The following BCAR3 variants were observed in gnomAD, a reference collection of about 807,000 sequenced individuals.
The protein encoded by BCAR3 is breast cancer anti-estrogen resistance protein 3.
BCAR3 carries 37 observed loss-of-function variants against 80.1 expected under a neutral mutation model. The ratio of observed to expected loss-of-function variants is 0.46; its 90% CI spans 0.36 to 0.61. The LOEUF (loss-of-function observed/expected upper bound fraction) is 0.61, where lower values mean the gene tolerates loss of function less well. Ranked by LOEUF, BCAR3 falls within the 20% of genes least tolerant of loss-of-function variation. The pLI, the probability that BCAR3 is intolerant of heterozygous loss-of-function variation, is 0.00. For synonymous variants in BCAR3, 389 were observed against 418.9 expected, an observed-to-expected ratio of 0.93 and a Z score of 0.87; for missense variants, 978 against 1,068.2, an observed-to-expected ratio of 0.92 and a Z score of 1.18.
chr1:93,828,345 T>C (rs180978899), intron 2 of BCAR3, among the ~76,000 whole-genome samples: 73 of 152,262 alleles, frequency 4.8e-4, no homozygotes, highest in African/African-American at 1.7e-3. Flanking sequence ...AGGCAAGTCA[T>C]AGAAACTAGA....
At chr1:93,626,180 A>G (rs1675451832) in intron 3 of BCAR3, among the ~76,000 whole-genome samples, 1 of 152,196 alleles carries the variant, frequency 6.6e-6, no homozygotes, top group Non-Finnish European at 1.5e-5. Context: ...CAGGCCCACA[A>G]TTGAGAACCC....
At chr1:93,822,373 CTTG>C (rs1426304320) in intron 2 of BCAR3, among the ~76,000 whole-genome samples, 2 of 148,726 alleles carry the variant, frequency 1.3e-5, no homozygotes, top group Non-Finnish European at 3.0e-5. Context: ...GAGTTTTGCT[CTTG>C]TTGTCCAGGC....
Position 93,588,853 on chromosome 1 carries a change from C to T in BCAR3, c.929+124G>A, listed in dbSNP as rs183564068. The T allele has an allele frequency of 2.3e-4, 253 of 1,094,900 alleles. No individual in the cohort carries two copies. The African/African-American group carries it at 3.0e-3, about 13-fold the overall frequency. 67.8% of individuals were successfully genotyped at this position (1,094,900 alleles called of 1,614,324 possible). A position where few individuals can be genotyped will look rare whatever the true frequency, so the allele number is the denominator to read the frequency against. The stretch of plus-strand genomic sequence containing the variant: ...TCACTGCCTCGTGACAGCTATTCTG[C>T]GAACAGTCGGCATTCCTATTAACAT... On this transcript the variant is annotated intron_variant, in intron 5 of 11. Transcript: ENST00000260502.
At chr1:93,620,531 C>A (rs1018247643) in intron 3 of BCAR3, among the ~76,000 whole-genome samples, 1 of 152,146 alleles carries the variant, frequency 6.6e-6, no homozygotes, top group Non-Finnish European at 1.5e-5. Flanking sequence ...GCCCCCTCTG[C>A]CTATGGGGCC....
chr1:93,639,463 G>T (rs986238883), intron 3 of BCAR3, among the ~76,000 whole-genome samples: 3 of 151,148 alleles, frequency 2.0e-5, no homozygotes, highest in African/African-American at 4.9e-5. Flanking sequence ...CTCCGATGGG[G>T]AGGGGAGCAG....
chr1:93,719,080 T>C (rs928417671), intron 2 of BCAR3, among the ~76,000 whole-genome samples: 5 of 152,058 alleles, frequency 3.3e-5, no homozygotes, highest in Non-Finnish European at 7.4e-5. Flanking sequence ...AGACCACCAA[T>C]AGAGTTGCAG....
chr1:93,593,518 C>T (rs1429940771), intron 3 of BCAR3, among the ~76,000 whole-genome samples: 3 of 151,360 alleles, frequency 2.0e-5, no homozygotes, highest in Admixed American at 6.6e-5. Context: ...ACAACAGGCA[C>T]GTGCCACCAT....
chr1:93,772,579 CT>C (rs1652396870), intron 2 of BCAR3, among the ~76,000 whole-genome samples: 1 of 152,060 alleles, frequency 6.6e-6, no homozygotes, highest in Non-Finnish European at 1.5e-5. Context: ...CTTGATCCAA[CT>C]TTTTCTTTTT....
chr1:93,672,617 G>A (rs9659100), intron 2 of BCAR3, among the ~76,000 whole-genome samples: 45,916 of 152,006 alleles, frequency 0.3, 9,908 homozygotes, highest in African/African-American at 0.62. Context: ...ATTATGCGAT[G>A]TTAACAATCC....
In BCAR3 at chr1:93,606,183, C is replaced by T. The variant is rs188243469; in HGVS notation, c.358-13790G>A. ...CTAGAGGAGCTCAAAGCACTAGATA[C>T]CCACATATCTCATTTAACAAGCATT... is the stretch of plus-strand genomic sequence containing the variant. On this transcript the variant is annotated intron_variant, in intron 3 of 11. Transcript: ENST00000260502. Among the ~76,000 whole-genome samples, 22 of 152,238 alleles carry T rather than the reference C, an allele frequency of 1.4e-4. 1 individual carries two copies. The East Asian group carries it at 4.2e-3, about 29-fold the overall frequency.
chr1:93,571,960 G>T (rs1413987140), intron 8 of BCAR3, 119 bp from the exon 9 acceptor site: 6 of 1,225,632 alleles, frequency 4.9e-6, no homozygotes, highest in Non-Finnish European at 6.8e-6. Context: ...TCTAAAATGT[G>T]CCGGCAGCAC....
chr1:93,810,192 C>CAAAAAAAAAAAAAA (rs111305058), intron 2 of BCAR3, among the ~76,000 whole-genome samples: 81 of 98,748 alleles, frequency 8.2e-4, no homozygotes, highest in Middle Eastern at 6.3e-3. Context: ...GACTCCATCT[C>CAAAAAAAAAAAAAA]AAAAAAAAAA....
At chr1:93,741,861 A>T (rs968364976) in intron 2 of BCAR3, among the ~76,000 whole-genome samples, 1 of 151,994 alleles carries the variant, frequency 6.6e-6, no homozygotes, top group Non-Finnish European at 1.5e-5. Context: ...ATGAGCCATC[A>T]CTCCCGGCCT....
At chr1:93,718,150 T>C (rs1650252755) in intron 2 of BCAR3, among the ~76,000 whole-genome samples, 1 of 152,126 alleles carries the variant, frequency 6.6e-6, no homozygotes, top group South Asian at 2.1e-4. Flanking sequence ...TTGTAGCAGA[T>C]GTTGAATTCC....
At chr1:93,759,538 T>G (rs1177154834) in intron 2 of BCAR3, among the ~76,000 whole-genome samples, 2 of 151,956 alleles carry the variant, frequency 1.3e-5, no homozygotes, top group East Asian at 1.9e-4. Context: ...CACAAGCAAT[T>G]TTTGCTTTTT....
intron 7 of BCAR3, among the ~76,000 whole-genome samples, chr1:93,580,768 G>C (rs151074241): frequency 1.1e-4 from 16 of 152,130 alleles, no homozygotes; most frequent in African/African-American, 3.9e-4. Flanking sequence ...AATCCCGACG[G>C]ATCTGAAAAA....
chr1:93,738,787 G>T (rs1349986998), intron 2 of BCAR3, among the ~76,000 whole-genome samples: 1 of 152,154 alleles, frequency 6.6e-6, no homozygotes, highest in Non-Finnish European at 1.5e-5. Context: ...GGTTAGGACT[G>T]GGGGTGCCAG....
intron 3 of BCAR3, chr1:93,594,300 T>C (rs1440935017): frequency 6.6e-6 from 1 of 152,288 alleles, no homozygotes; most frequent in Non-Finnish European, 1.5e-5. Flanking sequence ...TCAAGTCATC[T>C]GAAGCCCTGT....
At chr1:93,658,605 T>G (rs779480655) in intron 2 of BCAR3, among the ~76,000 whole-genome samples, 2 of 152,140 alleles carry the variant, frequency 1.3e-5, no homozygotes, top group Non-Finnish European at 2.9e-5. Flanking sequence ...TGAGCCGAGA[T>G]GGCACCACTG....
Sources: allele counts gnomAD v4.1 joint callset (sites outside exome capture counted in the v4.1 genomes callset), GRCh38; gene constraint gnomAD v4.1.1; transcripts MANE v1.5; gene names NCBI Gene and HGNC (gene_info 2026-07-23, HGNC 2026-07-21).